AKNA: variants seen among roughly 807,000 people sequenced by gnomAD.
AKNA encodes AT-hook transcription factor, also known as microtubule organization protein AKNA.
In AKNA, 67 loss-of-function variants were observed where a neutral mutation model predicts 138.8. That is an observed-to-expected ratio of 0.48 (90% CI 0.40 to 0.59). The LOEUF (loss-of-function observed/expected upper bound fraction) is 0.59. Among genes scored for constraint, AKNA ranks in the 20% least tolerant of loss-of-function variants. The pLI, the probability that AKNA is intolerant of heterozygous loss-of-function variation, is 0.00. For missense variants in AKNA, 1,813 were observed against 1,880.4 expected (o/e 0.96, Z 0.66); for synonymous variants, 737 against 754.4 (o/e 0.98, Z 0.38).
chr9:114,337,431 C>T (rs965975319), intron 21 of AKNA, 125 bp from the exon 22 acceptor site: 7 of 1,016,128 alleles, frequency 6.9e-6, no homozygotes, highest in Non-Finnish European at 9.0e-6. Flanking sequence ...CTCTCTGGGT[C>T]TCAGTTTCTT....
At chr9:114,339,635 G>T (rs1199903588) in intron 21 of AKNA, among the ~76,000 whole-genome samples, 1 of 152,204 alleles carries the variant, frequency 6.6e-6, no homozygotes. Context: ...CTACCGTGGG[G>T]TCACCAAATT....
intron 13 of AKNA, among the ~76,000 whole-genome samples, chr9:114,356,514 C>T (rs953289385): frequency 2.0e-5 from 3 of 152,216 alleles, no homozygotes; most frequent in African/African-American, 4.8e-5. Flanking sequence ...TCTCCCTTCC[C>T]TTTGGGTTCC....
upstream of AKNA, among the ~76,000 whole-genome samples, chr9:114,391,868 A>AC (rs1834356309): frequency 6.7e-6 from 1 of 149,704 alleles, no homozygotes; most frequent in East Asian, 1.9e-4. Context: ...AAAAAAAAAA[A>AC]AAAAAACACC....
At chr9:114,383,121 A>G (rs1833807257) in intron 1 of AKNA, 1 of 455,834 alleles carries the variant, frequency 2.2e-6, no homozygotes, top group African/African-American at 2.0e-5. Context: ...GAACACAGGG[A>G]AAGCCCATCA....
intron 14 of AKNA, 87 bp downstream of exon 14, chr9:114,355,838 T>A: frequency 7.4e-7 from 1 of 1,346,306 alleles, no homozygotes; most frequent in Non-Finnish European, 1.0e-6. Flanking sequence ...ACCTGGCTAA[T>A]ATGTCATATC....
At chr9:114,392,080 T>G (rs1443897052), upstream of AKNA, among the ~76,000 whole-genome samples, 35 of 115,976 alleles carry the variant, frequency 3.0e-4, no homozygotes, top group Admixed American at 1.4e-3. Context: ...CGCTCCAGCC[T>G]GGGCAACAGA....
chr9:114,341,988 A>G, intron 20 of AKNA, 21 bp downstream of exon 20: 1 of 1,598,182 alleles, frequency 6.3e-7, no homozygotes, highest in Non-Finnish European at 8.6e-7. Flanking sequence ...GGCTAAGAGA[A>G]GAAACAGTAT....
intron 11 of AKNA, 175 bp from the exon 12 acceptor site, chr9:114,358,342 C>T: frequency 1.4e-6 from 1 of 718,006 alleles, no homozygotes; most frequent in Non-Finnish European, 2.2e-6. Flanking sequence ...GGCACTTCCC[C>T]TCTCTCAACC....
rs1490020212 is a variant in AKNA at position 114,334,765 on chromosome 9, G to A, written c.*2289C>T. On this transcript the variant is annotated 3_prime_UTR_variant, in exon 22 of 22. Coordinates refer to ENST00000374088, the MANE Select transcript of AKNA (RefSeq NM_001317950.2). ...GCTGCGTATACCATCCAGGGTGATAGGACCATGAGCCCGAGGCCCTGATGT... is the reference window on the plus strand; with the variant it reads ...GCTGCGTATACCATCCAGGGTGATAAGACCATGAGCCCGAGGCCCTGATGT... 2.7e-5 allele frequency: 4 copies of A among 146,820 alleles called. No homozygotes were observed. Among genetic ancestry groups the A allele is most frequent in the Non-Finnish European group, 5.9e-5 (4 of 67,914 alleles). The allele number at this position is 146,820 out of a possible 1,614,324, so 9.1% of individuals were successfully genotyped here.
intron 17 of AKNA, 66 bp downstream of exon 17, chr9:114,346,603 T>C: frequency 7.7e-7 from 1 of 1,302,266 alleles, no homozygotes; most frequent in Non-Finnish European, 1.1e-6. Flanking sequence ...CTGTGGTCCC[T>C]GACCACTGAG....
At chr9:114,355,083 C>G (rs1831396052) in intron 14 of AKNA, among the ~76,000 whole-genome samples, 3 of 151,548 alleles carry the variant, frequency 2.0e-5, no homozygotes, top group African/African-American at 7.3e-5. Flanking sequence ...TCATGTTGGC[C>G]ACAGGTGATC....
chr9:114,369,582 A>T (rs1832613354), intron 4 of AKNA, among the ~76,000 whole-genome samples: 1 of 152,094 alleles, frequency 6.6e-6, no homozygotes, highest in South Asian at 2.1e-4. Context: ...CTGCGCACAA[A>T]ATAAGTGCTC....
chr9:114,365,324 C>T (rs1197764178), intron 6 of AKNA, among the ~76,000 whole-genome samples: 2 of 152,124 alleles, frequency 1.3e-5, no homozygotes, highest in Non-Finnish European at 2.9e-5. Context: ...AGTCAAGGTA[C>T]AGTAGCTTAT....
At position 114,367,645 on chromosome 9, in the gene AKNA, G is replaced by A. The variant is rs1221286281; in HGVS notation, c.1626C>T (p.Pro542=). The A allele has an allele frequency of 6.2e-7, 1 of 1,601,506 alleles. No individual in the cohort carries two copies. The highest frequency in any genetic ancestry group is 1.7e-5 in the Admixed American group (1 of 59,382). The change falls in exon 6 of 22, where the codon CCC becomes CCT. Residue 542 remains proline, a synonymous_variant. Transcript: ENST00000374088. ...GGTTCTCCGGAAGCCACCCCAGGGT[G>A]GGCATGCTGGTAAGCGAGGAGGGGC... ...DLSPSSLTSM[P]TLGWLPENRD...
chr9:114,332,172 A>C (rs1247509975), downstream of AKNA, among the ~76,000 whole-genome samples: 3 of 151,874 alleles, frequency 2.0e-5, no homozygotes, highest in East Asian at 5.8e-4. Flanking sequence ...AGGAGGGAAC[A>C]GCGTGAGCCA....
At position 114,362,615 on chromosome 9, in the gene AKNA, T is replaced by C; in HGVS notation, c.1789-82A>G. The C allele has an allele frequency of 6.1e-6, 9 of 1,483,494 alleles. No individual in the cohort carries two copies. The South Asian group carries it at 1.2e-4, about 20-fold the overall frequency. 91.9% of individuals were successfully genotyped at this position (1,483,494 alleles called of 1,614,324 possible). Reference sequence around the variant, plus strand: ...CTGAAGACACAGTGGATGAGACAGCTTGCGGGAGGCCATGGGATGCACCTG... The same window carrying C: ...CTGAAGACACAGTGGATGAGACAGCCTGCGGGAGGCCATGGGATGCACCTG... On this transcript the variant is annotated intron_variant, in intron 7 of 21. Coordinates refer to ENST00000374088, the MANE Select transcript of AKNA (RefSeq NM_001317950.2).
chr9:114,373,630 G>A (rs1273353276), intron 4 of AKNA, among the ~76,000 whole-genome samples: 2 of 151,910 alleles, frequency 1.3e-5, no homozygotes, highest in African/African-American at 4.8e-5. Flanking sequence ...AATCCCAGCA[G>A]CACTTTGGGA....
chr9:114,330,855 C>T (rs1564607436), downstream of AKNA: 1 of 1,613,560 alleles, frequency 6.2e-7, no homozygotes, highest in Non-Finnish European at 8.5e-7. Flanking sequence ...GGACCGTCTC[C>T]AGATACGGTG....
intron 13 of AKNA, 86 bp from the exon 14 acceptor site, chr9:114,356,222 AC>A: frequency 1.6e-6 from 2 of 1,280,086 alleles, no homozygotes; most frequent in Non-Finnish European, 2.2e-6. Flanking sequence ...CCACATGCTA[AC>A]CCAATAAGCT....
Sources: allele counts gnomAD v4.1 joint callset (sites outside exome capture counted in the v4.1 genomes callset), GRCh38; gene constraint gnomAD v4.1.1; transcripts MANE v1.5; gene names NCBI Gene and HGNC (gene_info 2026-07-23, HGNC 2026-07-21).